KIAA1143: variants seen among roughly 807,000 people sequenced by gnomAD.
The protein encoded by KIAA1143 is uncharacterized protein KIAA1143.
A neutral mutation model predicts 17.0 loss-of-function variants in KIAA1143; 8 were observed. The observed-to-expected ratio is 0.47, with a 90% CI of 0.28 to 0.85. The LOEUF is 0.85. KIAA1143 is among the 40% of genes least tolerant of loss of function. The pLI, the probability that KIAA1143 is intolerant of heterozygous loss-of-function variation, is 0.12. For synonymous variants in KIAA1143, 64 were observed against 67.8 expected (o/e 0.94, Z 0.27); for missense variants, 162 against 183.3 (o/e 0.88, Z 0.67).
chr3:44,759,478 G>C (rs966337162), intron 1 of KIAA1143, among the ~76,000 whole-genome samples: 1 of 151,952 alleles, frequency 6.6e-6, no homozygotes, highest in Non-Finnish European at 1.5e-5. Flanking sequence ...TAATTCTTAC[G>C]GACCCTAGGA....
At chr3:44,757,370 C>T (rs1410015464) in intron 1 of KIAA1143, among the ~76,000 whole-genome samples, 1 of 152,210 alleles carries the variant, frequency 6.6e-6, no homozygotes, top group Non-Finnish European at 1.5e-5. Flanking sequence ...CCCTCTAACA[C>T]TTCTACATAC....
rs751223698 is a variant in KIAA1143, at chr3:44,761,587, G to C, written c.16C>G (p.Gln6Glu). Residue 6 changes from glutamine (Q) to glutamate (E), a missense_variant, in exon 1 of 3, where the codon CAG (glutamine) becomes GAG (glutamate). Transcript: ENST00000296121. Reference sequence around the variant, plus strand: ...TCGGCTGGCCGCACGTACGATACCTGGTTCCGCTTGCTCATGGTAGCTCTG... The same window carrying C: ...TCGGCTGGCCGCACGTACGATACCTCGTTCCGCTTGCTCATGGTAGCTCTG... MSKRNQVSYVRPAEPA... is the reference protein window; with the variant it reads MSKRNEVSYVRPAEPA... The C allele has an allele frequency of 6.2e-7, 1 of 1,611,088 alleles. No individual in the cohort carries two copies. Among genetic ancestry groups the C allele is most frequent in the Non-Finnish European group, 8.5e-7 (1 of 1,179,520 alleles).
At chr3:44,754,061 G>A (rs77898696) in intron 2 of KIAA1143, among the ~76,000 whole-genome samples, 163 bp downstream of exon 2, 1,658 of 152,208 alleles carry the variant, frequency 0.011, 28 homozygotes, top group African/African-American at 0.037. Context: ...GAGGCTGAGA[G>A]GTGTAATAAC....
chr3:44,756,555 T>C (rs551267443), intron 1 of KIAA1143, among the ~76,000 whole-genome samples: 85 of 152,110 alleles, frequency 5.6e-4, no homozygotes, highest in Non-Finnish European at 9.6e-4. Flanking sequence ...AGAGAAAGAC[T>C]CCGCCTCAAA....
intron 1 of KIAA1143, among the ~76,000 whole-genome samples, chr3:44,759,909 A>AAAAAAAAAAAAAAAC: frequency 6.7e-6 from 1 of 149,712 alleles, no homozygotes; most frequent in East Asian, 2.0e-4. Flanking sequence ...AAAAAAAAAA[A>AAAAAAAAAAAAAAAC]AAAAAAGTCC....
At chr3:44,756,728 A>G (rs909290773) in intron 1 of KIAA1143, among the ~76,000 whole-genome samples, 30 of 152,338 alleles carry the variant, frequency 2.0e-4, no homozygotes, top group African/African-American at 7.0e-4. Context: ...CAACTGTAGT[A>G]TGAAAGAAGG....
intron 2 of KIAA1143, 123 bp from the exon 3 acceptor site, chr3:44,753,675 G>T (rs1478749794): frequency 1.0e-6 from 1 of 967,612 alleles, no homozygotes; most frequent in Non-Finnish European, 1.5e-6. Flanking sequence ...ATTCAGTCTG[G>T]TCTTCTCCAT....
At chr3:44,761,092 T>G (rs965267895) in intron 1 of KIAA1143, among the ~76,000 whole-genome samples, 1 of 152,164 alleles carries the variant, frequency 6.6e-6, no homozygotes, top group African/African-American at 2.4e-5. Flanking sequence ...AGGACATGGT[T>G]GGGGCGGGGG....
chr3:44,759,063 C>T (rs1010077713), intron 1 of KIAA1143, among the ~76,000 whole-genome samples: 2 of 152,084 alleles, frequency 1.3e-5, no homozygotes, highest in African/African-American at 4.8e-5. Flanking sequence ...GGGGTCTCAC[C>T]ATGTTGGCCA....
Position 44,754,372 on chromosome 3 carries a change from G to A in KIAA1143, c.109-4C>T, listed in dbSNP as rs374609922. On this transcript the variant is annotated splice_polypyrimidine_tract_variant and splice_region_variant and intron_variant, in intron 1 of 2. Coordinates refer to ENST00000296121, the MANE Select transcript of KIAA1143 (RefSeq NM_020696.4). Reference sequence around the variant, plus strand: ...CTGGGGGCTGAGGCTGAATTCTCTAGGGAAAAACACAAATACAATGTGTAG... The same window carrying A: ...CTGGGGGCTGAGGCTGAATTCTCTAAGGAAAAACACAAATACAATGTGTAG... 4 of 1,613,288 alleles carry A rather than the reference G, an allele frequency of 2.5e-6. No homozygotes were observed. The African/African-American group carries it at 4.0e-5, about 16-fold the overall frequency.
intron 1 of KIAA1143, among the ~76,000 whole-genome samples, chr3:44,756,980 A>C (rs548346532): frequency 1.3e-5 from 2 of 152,288 alleles, no homozygotes; most frequent in South Asian, 4.1e-4. Context: ...ATATTGCCAA[A>C]CTGATTAAAA....
At chr3:44,759,628 G>T (rs1232319337) in intron 1 of KIAA1143, among the ~76,000 whole-genome samples, 1 of 152,026 alleles carries the variant, frequency 6.6e-6, no homozygotes, top group Admixed American at 6.6e-5. Context: ...AATGGCCCAG[G>T]CATAGTGGTT....
In KIAA1143 at chr3:44,750,071, G is replaced by A. The variant is rs1704874376; in HGVS notation, c.*3270C>T. 1 of 152,192 alleles carries A rather than the reference G, an allele frequency of 6.6e-6. No individual in the cohort carries two copies. The highest frequency in any genetic ancestry group is 2.1e-4 in the South Asian group (1 of 4,834). 9.4% of individuals were successfully genotyped at this position (152,192 alleles called of 1,614,324 possible). The stretch of plus-strand genomic sequence containing the variant: ...CCCAAAGTGTTGGGATTACAAGCAT[G>A]AGCCATTGTGTCTGGCCTGGGTGAT... On this transcript the variant is annotated 3_prime_UTR_variant, in exon 3 of 3. Coordinates refer to ENST00000296121, the MANE Select transcript of KIAA1143 (RefSeq NM_020696.4).
intron 1 of KIAA1143, among the ~76,000 whole-genome samples, chr3:44,755,068 C>T (rs1704949803): frequency 6.6e-6 from 1 of 152,088 alleles, no homozygotes; most frequent in South Asian, 2.1e-4. Flanking sequence ...AAATGTGAGA[C>T]ACCGTAAGAG....
intron 1 of KIAA1143, 104 bp from the exon 2 acceptor site, chr3:44,754,472 T>A: frequency 1.8e-6 from 2 of 1,103,844 alleles, no homozygotes; most frequent in Non-Finnish European, 2.6e-6. Flanking sequence ...GGTATCTTTA[T>A]TGAGTAAATA....
chr3:44,754,084 A>G lies in KIAA1143; in HGVS notation c.253+140T>C, dbSNP rs1433673118. On this transcript the variant is annotated intron_variant, in intron 2 of 2. Transcript: ENST00000296121. The stretch of plus-strand genomic sequence containing the variant: ...GAGGTGTAATAACTTGCTCAAGGTT[A>G]CACATCTGGTAAGTGTCAAAGCTAA... 8 of 729,726 alleles carry G rather than the reference A, an allele frequency of 1.1e-5. No homozygotes were observed. The African/African-American group carries it at 1.4e-4, about 13-fold the overall frequency. The allele number at this position is 729,726 out of a possible 1,614,324, so 45.2% of individuals were successfully genotyped here.
At position 44,752,104 on chromosome 3, in the gene KIAA1143, A is replaced by G. The variant is rs1266054140; in HGVS notation, c.*1237T>C. 6.6e-6 allele frequency: 1 copy of G among 152,122 alleles called. No individual in the cohort carries two copies. Among genetic ancestry groups the G allele is most frequent in the Non-Finnish European group, 1.5e-5 (1 of 68,030 alleles). The allele number at this position is 152,122 out of a possible 1,614,324, so 9.4% of individuals were successfully genotyped here. ...CTCTCCATACCTAAGTAACAAAAGG[A>G]TCAGAGGCTACTCCCTTTGCAATCC... On this transcript the variant is annotated 3_prime_UTR_variant, in exon 3 of 3. Coordinates refer to ENST00000296121, the MANE Select transcript of KIAA1143 (RefSeq NM_020696.4).
Position 44,754,193 on chromosome 3 carries a change from G to A in KIAA1143, c.253+31C>T, listed in dbSNP as rs893161475. 3 of 1,607,064 alleles carry A rather than the reference G, an allele frequency of 1.9e-6. No individual in the cohort carries two copies. The African/African-American group carries it at 4.0e-5, about 22-fold the overall frequency. ...TTTCATACCCTGGGCTCCTTAAATTGTTAGAAAAACCAGATTACTTTTAGA... is the reference window on the plus strand; with the variant it reads ...TTTCATACCCTGGGCTCCTTAAATTATTAGAAAAACCAGATTACTTTTAGA... On this transcript the variant is annotated intron_variant, in intron 2 of 2. Transcript: ENST00000296121.
intron 1 of KIAA1143, among the ~76,000 whole-genome samples, chr3:44,757,847 T>C (rs938621165): frequency 2.0e-5 from 3 of 152,184 alleles, no homozygotes; most frequent in African/African-American, 7.2e-5. Context: ...GGTTAGCACA[T>C]ACTCATTCTA....
Sources: gnomAD v4.1 joint callset for allele counts (sites outside exome capture counted in the v4.1 genomes callset) on GRCh38, gnomAD v4.1.1 for gene constraint, MANE v1.5 for transcripts, NCBI Gene and HGNC (gene_info 2026-07-23, HGNC 2026-07-21) for gene names.